KIF3C: variants seen among roughly 807,000 people sequenced by gnomAD.
The protein encoded by KIF3C is kinesin family member 3C, also known as kinesin-like protein KIF3C.
A neutral mutation model predicts 67.7 loss-of-function variants in KIF3C; 12 were observed. The ratio of observed to expected loss-of-function variants is 0.18; its 90% CI spans 0.11 to 0.29. KIF3C has a LOEUF of 0.29. KIF3C is among the 10% of genes least tolerant of loss of function. The pLI, the probability that KIF3C is intolerant of heterozygous loss-of-function variation, is 1.00. For synonymous variants in KIF3C, 393 were observed against 426.2 expected, an observed-to-expected ratio of 0.92 and a Z score of 0.96; for missense variants, 789 against 1,059.6, an observed-to-expected ratio of 0.74 and a Z score of 3.55.
At chr2:25,970,472 A>G (rs1246912911) in intron 1 of KIF3C, among the ~76,000 whole-genome samples, 2 of 151,606 alleles carry the variant, frequency 1.3e-5, no homozygotes, top group Non-Finnish European at 2.9e-5. Flanking sequence ...GTTCGGCGCC[A>G]GTCTGGTCAA....
At chr2:25,951,084 G>C (rs1663597443) in intron 5 of KIF3C, among the ~76,000 whole-genome samples, 1 of 152,076 alleles carries the variant, frequency 6.6e-6, no homozygotes, top group African/African-American at 2.4e-5. Context: ...AGGTGCATTG[G>C]TGTCCAGCCT....
chr2:25,946,859 A>G (rs1663454231), intron 5 of KIF3C, among the ~76,000 whole-genome samples: 1 of 151,210 alleles, frequency 6.6e-6, no homozygotes, highest in East Asian at 2.0e-4. Context: ...TCTCAAAAAA[A>G]AAAAGAAAGA....
intron 1 of KIF3C, among the ~76,000 whole-genome samples, chr2:25,956,931 G>A (rs1663820433): frequency 6.6e-6 from 1 of 152,198 alleles, no homozygotes; most frequent in Admixed American, 6.5e-5. Context: ...GAAAGCAGAA[G>A]AAAAGCCAAA....
chr2:25,980,667 G>T lies in KIF3C; in HGVS notation c.1251C>A (p.Ala417=). ...KSSRRKKAVS[A]PPGYPEGPVI... is the part of the protein sequence containing the mutation. ...CTGGGCCCTCAGGGTACCCAGGCGG[G>T]GCGGACACGGCCTTCTTCCTGCGGC... Residue 417 remains alanine (A), a synonymous_variant, in exon 1 of 8, where the codon GCC becomes GCA. Transcript: ENST00000264712. The surrounding 1 kb of genome is among the most constrained non-coding windows in gnomAD (Gnocchi z 7.6). 1 of 1,614,068 alleles carries T rather than the reference G, an allele frequency of 6.2e-7. No homozygotes were observed. Among genetic ancestry groups the T allele is most frequent in the Non-Finnish European group, 8.5e-7 (1 of 1,180,042 alleles).
intron 5 of KIF3C, among the ~76,000 whole-genome samples, chr2:25,943,889 A>AT: frequency 6.6e-6 from 1 of 152,036 alleles, no homozygotes; most frequent in Non-Finnish European, 1.5e-5. Context: ...TCCTAGAACC[A>AT]TTTTTTACTT....
chr2:25,978,283 G>C (rs1664467502), intron 1 of KIF3C, among the ~76,000 whole-genome samples: 1 of 152,136 alleles, frequency 6.6e-6, no homozygotes. Flanking sequence ...CTGTTGAATG[G>C]AAATAATAGT....
chr2:25,953,666 G>GTTTTT (rs1195374364), intron 4 of KIF3C, among the ~76,000 whole-genome samples: 1 of 94,522 alleles, frequency 1.1e-5, no homozygotes, highest in African/African-American at 4.3e-5. Flanking sequence ...GGCCTTTTTT[G>GTTTTT]TTTTTGTTTT....
intron 5 of KIF3C, 53 bp downstream of exon 5, chr2:25,951,736 C>A: frequency 8.0e-7 from 1 of 1,253,432 alleles, no homozygotes; most frequent in Non-Finnish European, 1.2e-6. Flanking sequence ...CCAGCCCCGA[C>A]CTGGAGTGGA....
intron 1 of KIF3C, among the ~76,000 whole-genome samples, chr2:25,962,836 AATATATAAT>A (rs1479961771): frequency 3.4e-5 from 2 of 58,298 alleles, no homozygotes; most frequent in African/African-American, 1.0e-4. Flanking sequence ...AAATATATAA[AATATATAAT>A]ATATAATATA....
intron 5 of KIF3C, among the ~76,000 whole-genome samples, chr2:25,941,614 C>T (rs1663284687): frequency 6.6e-6 from 1 of 151,198 alleles, no homozygotes; most frequent in African/African-American, 2.4e-5. Flanking sequence ...AAGTCTAGGC[C>T]AGGTGTGGTG....
chr2:25,982,336 T>A lies in KIF3C; in HGVS notation c.-419A>T, dbSNP rs996358877. 1 of 398,886 alleles carries A rather than the reference T, an allele frequency of 2.5e-6. No homozygotes were observed. Among genetic ancestry groups the A allele is most frequent in the African/African-American group, 2.1e-5 (1 of 48,610 alleles). The allele number at this position is 398,886 out of a possible 1,614,324, so 24.7% of individuals were successfully genotyped here. On this transcript the variant is annotated 5_prime_UTR_variant, in exon 1 of 8. Coordinates refer to ENST00000264712, the MANE Select transcript of KIF3C (RefSeq NM_002254.8). ...TCCTCTAGGGATCCATAGCGTGGGC[T>A]GCCGGTCGTGGGCGGCCGGGGGTCC...
rs1386773415 is a variant in KIF3C, at chr2:25,928,112, C to A, written c.*866G>T. On this transcript the variant is annotated 3_prime_UTR_variant, in exon 8 of 8. Coordinates refer to ENST00000264712, the MANE Select transcript of KIF3C (RefSeq NM_002254.8). ...CAGCTGCAGGGAGAAATGATCGAAGCAGGCAGGAGCAGCCTCTTGAAAATG... is the reference window on the plus strand; with the variant it reads ...CAGCTGCAGGGAGAAATGATCGAAGAAGGCAGGAGCAGCCTCTTGAAAATG... 1 of 152,480 alleles carries A rather than the reference C, an allele frequency of 6.6e-6. No homozygotes were observed. Among genetic ancestry groups the A allele is most frequent in the Non-Finnish European group, 1.5e-5 (1 of 68,058 alleles). The allele number at this position is 152,480 out of a possible 1,614,324, so 9.4% of individuals were successfully genotyped here. A position where few individuals can be genotyped will look rare whatever the true frequency, so the allele number is the denominator to read the frequency against.
rs2090414753 is a variant in KIF3C, at chr2:25,926,851, CA to C, written c.*2126del. Reference sequence around the variant, plus strand: ...TTGTTGTCCTAAATAAAGACCATAGCAACACACGAGAATTTGGTCCTAATCA... The same window carrying C: ...TTGTTGTCCTAAATAAAGACCATAGCACACACGAGAATTTGGTCCTAATCA... On this transcript the variant is annotated 3_prime_UTR_variant, in exon 8 of 8. Transcript: ENST00000264712. The C allele has an allele frequency of 6.6e-6, 1 of 152,152 alleles. No homozygotes were observed. Among genetic ancestry groups the C allele is most frequent in the African/African-American group, 2.4e-5 (1 of 41,418 alleles). The allele number at this position is 152,152 out of a possible 1,614,324, so 9.4% of individuals were successfully genotyped here. A position where few individuals can be genotyped will look rare whatever the true frequency, so the allele number is the denominator to read the frequency against.
chr2:25,943,721 C>T (rs1015295535), intron 5 of KIF3C, among the ~76,000 whole-genome samples: 3 of 151,952 alleles, frequency 2.0e-5, no homozygotes, highest in African/African-American at 7.3e-5. Context: ...CAAAATTTGC[C>T]AGGCGTGGTG....
chr2:25,956,805 G>C (rs1432580525), intron 1 of KIF3C, among the ~76,000 whole-genome samples: 1 of 152,178 alleles, frequency 6.6e-6, no homozygotes, highest in African/African-American at 2.4e-5. Context: ...GTTGAGGATT[G>C]GGAAAGATAA....
In KIF3C at chr2:25,928,647, A is replaced by G; in HGVS notation, c.*331T>C. The G allele has an allele frequency of 4.9e-6, 1 of 202,430 alleles. No homozygotes were observed. Among genetic ancestry groups the G allele is most frequent in the African/African-American group, 2.3e-5 (1 of 43,130 alleles). The allele number at this position is 202,430 out of a possible 1,614,324, so 12.5% of individuals were successfully genotyped here. A position where few individuals can be genotyped will look rare whatever the true frequency, so the allele number is the denominator to read the frequency against. On this transcript the variant is annotated 3_prime_UTR_variant, in exon 8 of 8. Transcript: ENST00000264712. Reference sequence around the variant, plus strand: ...AGGCACTGGCTACCTTCCCTTCTGGAGGCAGCTGACAGGGGGACAAGCCTG... The same window carrying G: ...AGGCACTGGCTACCTTCCCTTCTGGGGGCAGCTGACAGGGGGACAAGCCTG...
chr2:25,978,967 T>G (rs1664487260), intron 1 of KIF3C, among the ~76,000 whole-genome samples: 1 of 152,066 alleles, frequency 6.6e-6, no homozygotes, highest in Non-Finnish European at 1.5e-5. Flanking sequence ...AATTAAATAT[T>G]AAATATGTAA....
chr2:25,933,810 T>TA (rs560914820), intron 5 of KIF3C, among the ~76,000 whole-genome samples: 10 of 149,914 alleles, frequency 6.7e-5, no homozygotes, highest in Admixed American at 1.3e-4. Flanking sequence ...AGTGAGAATG[T>TA]AAAAAAAAAA....
intron 1 of KIF3C, among the ~76,000 whole-genome samples, chr2:25,970,393 C>G (rs766608277): frequency 2.2e-4 from 34 of 151,998 alleles, no homozygotes; most frequent in African/African-American, 7.7e-4. Context: ...TCAGGCCGGG[C>G]GCGGTGGCTC....
Sources: allele counts gnomAD v4.1 joint callset (sites outside exome capture counted in the v4.1 genomes callset), GRCh38; gene constraint gnomAD v4.1.1; non-coding constraint Gnocchi (gnomAD v3.1); transcripts MANE v1.5; gene names NCBI Gene and HGNC (gene_info 2026-07-23, HGNC 2026-07-21).